Variants in NRG1 observed in about 807,000 individuals in gnomAD.
NRG1 encodes the protein neuregulin 1.
A neutral mutation model predicts 63.8 loss-of-function variants in NRG1; 18 were observed. That is an observed-to-expected ratio of 0.28 (90% CI 0.19 to 0.42). The LOEUF is 0.42. NRG1 is among the 10% of genes least tolerant of loss of function. The pLI, the probability that NRG1 is intolerant of heterozygous loss-of-function variation, is 1.00. For missense variants in NRG1, 762 were observed against 814.7 expected, an observed-to-expected ratio of 0.94 and a Z score of 0.79; for synonymous variants, 302 against 301.3, an observed-to-expected ratio of 1.00 and a Z score of -0.02.
intron 1 of NRG1, among the ~76,000 whole-genome samples, chr8:32,434,274 T>A (rs13251736): frequency 1.3e-5 from 2 of 152,178 alleles, no homozygotes; most frequent in Non-Finnish European, 2.9e-5. Flanking sequence ...GGTACAGTAC[T>A]GAGCTAAACG....
chr8:32,620,798 G>A (rs929744477), intron 5 of NRG1, among the ~76,000 whole-genome samples: 48 of 151,376 alleles, frequency 3.2e-4, no homozygotes, highest in African/African-American at 1.1e-3. Context: ...CTCCAGCCTG[G>A]GCAACAGAGC....
intron 5 of NRG1, among the ~76,000 whole-genome samples, chr8:32,701,525 G>A (rs1337346782): frequency 6.6e-6 from 1 of 152,110 alleles, no homozygotes; most frequent in African/African-American, 2.4e-5. Flanking sequence ...AATATTAACT[G>A]TTGTGGTCTT....
chr8:32,426,915 GT>G (rs1318205941), intron 1 of NRG1, among the ~76,000 whole-genome samples: 1 of 152,020 alleles, frequency 6.6e-6, no homozygotes, highest in East Asian at 1.9e-4. Flanking sequence ...AAGGTCATCT[GT>G]GTTTATATTA....
At chr8:31,867,032 G>A (rs1321423771) in intron 1 of NRG1, among the ~76,000 whole-genome samples, 1 of 152,114 alleles carries the variant, frequency 6.6e-6, no homozygotes, top group African/African-American at 2.4e-5. Context: ...AACTTGTTTG[G>A]TTGAGCTGAC....
intron 1 of NRG1, among the ~76,000 whole-genome samples, chr8:32,407,204 A>G (rs1814112029): frequency 6.7e-6 from 1 of 148,480 alleles, no homozygotes; most frequent in South Asian, 2.1e-4. Flanking sequence ...TATTAGGGTC[A>G]CTGATACTCT....
intron 1 of NRG1, among the ~76,000 whole-genome samples, chr8:32,013,922 A>G (rs2130014250): frequency 6.6e-6 from 1 of 152,314 alleles, no homozygotes; most frequent in South Asian, 2.1e-4. Context: ...AAAGGAAAAA[A>G]GCTGTGTCTT....
chr8:31,691,411 C>G (rs1030181431), intron 1 of NRG1, among the ~76,000 whole-genome samples: 3 of 151,210 alleles, frequency 2.0e-5, no homozygotes, highest in Non-Finnish European at 4.4e-5. Flanking sequence ...TTCGAGACCA[C>G]GGTGAAACCC....
intron 6 of NRG1, among the ~76,000 whole-genome samples, chr8:32,729,856 T>C (rs1285111293): frequency 1.3e-5 from 2 of 152,194 alleles, no homozygotes; most frequent in African/African-American, 2.4e-5. Context: ...GCGTGCCTGA[T>C]GGGACCTCAT....
At chr8:31,724,610 T>A (rs961924077) in intron 1 of NRG1, among the ~76,000 whole-genome samples, 1 of 87,574 alleles carries the variant, frequency 1.1e-5, no homozygotes, top group Non-Finnish European at 2.7e-5. Flanking sequence ...GATGCCAACA[T>A]TTTTTTTTAT....
At chr8:32,103,134 T>C (rs539080982) in intron 1 of NRG1, among the ~76,000 whole-genome samples, 1 of 152,208 alleles carries the variant, frequency 6.6e-6, no homozygotes, top group South Asian at 2.1e-4. Context: ...TGCTAGGTCT[T>C]CTAATTATTT....
chr8:32,233,032 C>T (rs1432194882), intron 1 of NRG1, among the ~76,000 whole-genome samples: 1 of 152,030 alleles, frequency 6.6e-6, no homozygotes, highest in Non-Finnish European at 1.5e-5. Context: ...TCTATGTATG[C>T]CATCTTATTA....
intron 1 of NRG1, among the ~76,000 whole-genome samples, chr8:32,349,211 G>A (rs77050245): frequency 0.029 from 4,350 of 152,264 alleles, 69 homozygotes; most frequent in Non-Finnish European, 0.045. Flanking sequence ...AATCCCAATG[G>A]TCTCCTTGTA....
intron 1 of NRG1, among the ~76,000 whole-genome samples, chr8:32,440,521 T>C (rs1003757007): frequency 2.6e-5 from 4 of 152,174 alleles, no homozygotes; most frequent in Non-Finnish European, 5.9e-5. Context: ...AATTTGATCA[T>C]ATTTTTAAAA....
At chr8:32,771,276 ATTTTTTTTTTTTTT>A (rs553989637), downstream of NRG1, among the ~76,000 whole-genome samples, 1 of 92,756 alleles carries the variant, frequency 1.1e-5, no homozygotes, top group African/African-American at 4.7e-5. Context: ...ATGCCCAGCG[ATTTTTTTTTTTTTT>A]TTTTTTTTTT....
At chr8:31,639,665 G>C in intron 1 of NRG1, 4 of 1,394,554 alleles carry the variant, frequency 2.9e-6, no homozygotes, top group Non-Finnish European at 3.7e-6. Flanking sequence ...GGGCTCGGGC[G>C]CGGCGGCGGC....
chr8:32,353,575 G>A (rs192975230), intron 1 of NRG1, among the ~76,000 whole-genome samples: 8 of 152,200 alleles, frequency 5.3e-5, no homozygotes, highest in Admixed American at 5.2e-4. Flanking sequence ...ATGACCAAAA[G>A]CCTCTGGTGT....
chr8:32,407,274 ATT>A (rs1563420462), intron 1 of NRG1, among the ~76,000 whole-genome samples: 32 of 108,962 alleles, frequency 2.9e-4, no homozygotes, highest in African/African-American at 9.5e-4. Context: ...GTATATATAT[ATT>A]ATATATATAT....
At chr8:32,669,469 G>C (rs763835353) in intron 5 of NRG1, among the ~76,000 whole-genome samples, 9 of 152,226 alleles carry the variant, frequency 5.9e-5, no homozygotes, top group Non-Finnish European at 1.2e-4. Context: ...ATAACCAAGA[G>C]TGCCGAAAGC....
At chr8:32,510,729 C>T (rs1015498435) in intron 1 of NRG1, among the ~76,000 whole-genome samples, 1 of 152,040 alleles carries the variant, frequency 6.6e-6, no homozygotes, top group Admixed American at 6.6e-5. Context: ...GGCCACCGCA[C>T]CCTAAGGACC....
Sources: gnomAD v4.1 joint callset for allele counts (sites outside exome capture counted in the v4.1 genomes callset) on GRCh38, gnomAD v4.1.1 for gene constraint, MANE v1.5 for transcripts, NCBI Gene and HGNC (gene_info 2026-07-23, HGNC 2026-07-21) for gene names.